The following ATF5 variants were observed in gnomAD, a reference collection of about 807,000 sequenced individuals.
ATF5 encodes activating transcription factor 5, also known as cyclic AMP-dependent transcription factor ATF-5.
ATF5 carries 6 observed loss-of-function variants against 4.6 expected under a neutral mutation model. The ratio of observed to expected loss-of-function variants is 1.31; its 90% CI spans 0.72 to 2.59. The LOEUF (loss-of-function observed/expected upper bound fraction) is 2.59, where lower values mean the gene tolerates loss of function less well. Ranked by LOEUF, ATF5 falls within the 30% of genes most tolerant of loss-of-function variation. ATF5 has a pLI of 0.00. For missense variants in ATF5, 410 were observed against 368.7 expected (o/e 1.11, Z -0.92); for synonymous variants, 193 against 165.0 (o/e 1.17, Z -1.30).
upstream of ATF5, chr19:49,929,136 C>T (rs567987474): frequency 6.6e-6 from 1 of 152,436 alleles, no homozygotes; most frequent in South Asian, 2.1e-4. Context: ...GGGCGGGGCG[C>T]GGAAGGATCC....
Position 49,930,966 on chromosome 19 carries a change from C to T in ATF5, c.116C>T (p.Pro39Leu). Residue 39 changes from proline to leucine, a missense_variant, in exon 2 of 3, where the codon CCC becomes CTC. Physicochemically the swap from Pro to Leu is moderately conservative, Grantham distance 98 (BLOSUM62 -3). Transcript: ENST00000423777. ...CCCCCGGCCCCTGCCCCCCTGGCTC[C>T]CTATGAGGTCCTTGGGGGAGCCCTG... The part of the protein sequence containing the change: ...KLPPAPAPLA[P>L]YEVLGGALEG... The T allele has an allele frequency of 6.3e-7, 1 of 1,589,176 alleles. No homozygotes were observed. Among genetic ancestry groups the T allele is most frequent in the Non-Finnish European group, 8.6e-7 (1 of 1,168,684 alleles).
chr19:49,933,340 A>T lies in ATF5; in HGVS notation c.*248A>T, dbSNP rs2076086921. ...CCCTTCTTCCCCACCAAACCACCCA[A>T]CTCCTCTCTACTCTTATCCTTTTAT... On this transcript the variant is annotated 3_prime_UTR_variant, in exon 3 of 3. Transcript: ENST00000423777. 2 of 404,348 alleles carry T rather than the reference A, an allele frequency of 4.9e-6. No individual in the cohort carries two copies. The highest frequency in any genetic ancestry group is 8.8e-6 in the Non-Finnish European group (2 of 228,428). 25.0% of individuals were successfully genotyped at this position (404,348 alleles called of 1,614,324 possible).
chr19:49,933,043 T>C lies in ATF5; in HGVS notation c.800T>C (p.Leu267Pro). Residue 267 changes from leucine to proline, a missense_variant, in exon 3 of 3, where the codon CTG (leucine) becomes CCG (proline). Coordinates refer to ENST00000423777, the MANE Select transcript of ATF5 (RefSeq NM_001193646.2). ...CGCGAGATCCAGTACGTCAAGGACC[T>C]GCTCATCGAGGTTTACAAGGCCCGG... ...VEREIQYVKD[L>P]LIEVYKARSQ... 6.2e-7 allele frequency: 1 copy of C among 1,607,992 alleles called. No individual in the cohort carries two copies. Among genetic ancestry groups the C allele is most frequent in the Non-Finnish European group, 8.5e-7 (1 of 1,175,128 alleles).
chr19:49,930,534 G>A (rs370635029), intron 1 of ATF5, 198 bp from the exon 2 acceptor site: 1 of 292,330 alleles, frequency 3.4e-6, no homozygotes, highest in Admixed American at 5.2e-5. Flanking sequence ...CTTGGGAGTG[G>A]GTGGGGCTCA....
chr19:49,931,835 G>C (rs2076066537), intron 2 of ATF5, among the ~76,000 whole-genome samples: 1 of 151,066 alleles, frequency 6.6e-6, no homozygotes, highest in Non-Finnish European at 1.5e-5. Flanking sequence ...AGGCATATGT[G>C]CGTGTGTATC....
rs2076070666 is a variant in ATF5, at chr19:49,932,319, A to G, written c.179-103A>G. ...ATTCAGTGGTTAGTTGTTTTACTGA[A>G]TGAATGGGACAGATGCACCTGAATG... On this transcript the variant is annotated intron_variant, in intron 2 of 2. Coordinates refer to ENST00000423777, the MANE Select transcript of ATF5 (RefSeq NM_001193646.2). 20 of 1,105,784 alleles carry G rather than the reference A, an allele frequency of 1.8e-5. No homozygotes were observed. In the South Asian group the frequency reaches 2.4e-4, roughly 13 times the overall value. 68.5% of individuals were successfully genotyped at this position (1,105,784 alleles called of 1,614,324 possible).
intron 1 of ATF5, chr19:49,929,891 T>TACCCTCCTCC (rs960756902): frequency 2.6e-5 from 4 of 152,274 alleles, no homozygotes; most frequent in African/African-American, 4.8e-5. Flanking sequence ...GTGCCCCCTC[T>TACCCTCCTCC]ACCCTCCTCC....
chr19:49,932,587 TC>T lies in ATF5; in HGVS notation c.345del (p.Phe116SerfsTer2), dbSNP rs760016163. 6.3e-7 allele frequency: 1 copy of T among 1,584,498 alleles called. No individual in the cohort carries two copies. Among genetic ancestry groups the T allele is most frequent in the South Asian group, 1.1e-5 (1 of 88,430 alleles). On this transcript the variant is annotated frameshift_variant, in exon 3 of 3. Coordinates refer to ENST00000423777, the MANE Select transcript of ATF5 (RefSeq NM_001193646.2). LOFTEE classifies it low-confidence loss of function (END_TRUNC). ...LKKELEQMED[F>X]FLDAPPLPPP... is the part of the protein sequence containing the mutation. The stretch of plus-strand genomic sequence containing the variant: ...AAGGAGCTGGAACAGATGGAAGACT[TC>T]TTCCTAGATGCCCCGCCCCTCCCAC...
intron 1 of ATF5, chr19:49,930,156 C>T (rs1466218347): frequency 1.4e-5 from 2 of 146,986 alleles, no homozygotes; most frequent in East Asian, 2.0e-4. Context: ...GGCGGGGCCT[C>T]TGGGGAATCG....
chr19:49,931,948 G>A (rs886778286), intron 2 of ATF5, among the ~76,000 whole-genome samples: 3 of 151,854 alleles, frequency 2.0e-5, no homozygotes, highest in African/African-American at 7.3e-5. Context: ...TTGAAGAAAT[G>A]CTTGGTTGAC....
rs2076048239 is a variant in ATF5, at chr19:49,930,814, C to A, written c.-37C>A. ...CGTGCCAGCTGCTGGTGCAGCCTCTCCTGTTGCCATCAGTGCCCAGCACCT... is the reference window on the plus strand; with the variant it reads ...CGTGCCAGCTGCTGGTGCAGCCTCTACTGTTGCCATCAGTGCCCAGCACCT... On this transcript the variant is annotated 5_prime_UTR_variant, in exon 2 of 3. Transcript: ENST00000423777. The A allele has an allele frequency of 1.3e-6, 2 of 1,515,294 alleles. No individual in the cohort carries two copies. The highest frequency in any genetic ancestry group is 1.8e-6 in the Non-Finnish European group (2 of 1,126,644). The allele number at this position is 1,515,294 out of a possible 1,614,324, so 93.9% of individuals were successfully genotyped here.
At position 49,932,844 on chromosome 19, in the gene ATF5, C is replaced by G. The variant is rs750121683; in HGVS notation, c.601C>G (p.Pro201Ala). 1 of 1,611,980 alleles carries G rather than the reference C, an allele frequency of 6.2e-7. No homozygotes were observed. ...TCAACCTTCTCGCCTGGCCCCCTAC[C>G]CACATCCTGCCACCACCCGAGGGGA... ...PPQPSRLAPY[P>A]HPATTRGDRK... The change falls in exon 3 of 3, where the codon CCA becomes GCA. Residue 201 changes from proline to alanine, a missense_variant. By Grantham distance (27) the Pro-to-Ala change is conservative. Coordinates refer to ENST00000423777, the MANE Select transcript of ATF5 (RefSeq NM_001193646.2).
At chr19:49,930,695 T>C (rs2076045774) in intron 1 of ATF5, 37 bp from the exon 2 acceptor site, 6 of 539,274 alleles carry the variant, frequency 1.1e-5, no homozygotes, top group Non-Finnish European at 1.8e-5. Flanking sequence ...TGGATGACGC[T>C]GTCCTGACCA....
At chr19:49,930,143 A>AGAGGCGGGGCCTCTGGG (rs2076034497) in intron 1 of ATF5, 1 of 150,180 alleles carries the variant, frequency 6.7e-6, no homozygotes, top group Non-Finnish European at 1.5e-5. Context: ...GATGTGACAA[A>AGAGGCGGGGCCTCTGGG]GAGGCGGGGC....
Position 49,932,608 on chromosome 19 carries a change from T to TGCC in ATF5, c.365_366insGCC (p.Pro125dup). Reference sequence around the variant, plus strand: ...GACTTCTTCCTAGATGCCCCGCCCCTCCCACCACCCTCCCCGCCGCCACTA... The same window carrying TGCC: ...GACTTCTTCCTAGATGCCCCGCCCCTGCCCCCACCACCCTCCCCGCCGCCACTA... On this transcript the variant is annotated inframe_insertion, in exon 3 of 3. Transcript: ENST00000423777. 2.4e-5 allele frequency: 31 copies of TGCC among 1,275,534 alleles called. No individual in the cohort carries two copies. The highest frequency in any genetic ancestry group is 3.0e-4 in the Middle Eastern group (1 of 3,388). The allele number at this position is 1,275,534 out of a possible 1,614,324, so 79.0% of individuals were successfully genotyped here.
intron 2 of ATF5, among the ~76,000 whole-genome samples, chr19:49,931,733 C>T (rs886830787): frequency 6.6e-6 from 1 of 152,044 alleles, no homozygotes; most frequent in African/African-American, 2.4e-5. Flanking sequence ...ATGCAGAAGC[C>T]CTCAGGAGGC....
At chr19:49,929,547 C>G (rs542237347) in intron 1 of ATF5, 147 bp downstream of exon 1, 291 of 152,490 alleles carry the variant, frequency 1.9e-3, no homozygotes, top group Non-Finnish European at 3.0e-3. Context: ...GCCGAAGGCG[C>G]GCGGCTGCGC....
At chr19:49,931,988 G>T (rs2076067804) in intron 2 of ATF5, among the ~76,000 whole-genome samples, 3 of 151,814 alleles carry the variant, frequency 2.0e-5, no homozygotes, top group Admixed American at 2.0e-4. Flanking sequence ...TGGTTGGCTG[G>T]TTCTTTTTTT....
In ATF5 at chr19:49,930,817, G is replaced by A; in HGVS notation, c.-34G>A. 3 of 1,519,956 alleles carry A rather than the reference G, an allele frequency of 2.0e-6. No homozygotes were observed. Among genetic ancestry groups the A allele is most frequent in the Non-Finnish European group, 2.7e-6 (3 of 1,128,914 alleles). 94.2% of individuals were successfully genotyped at this position (1,519,956 alleles called of 1,614,324 possible). A position where few individuals can be genotyped will look rare whatever the true frequency, so the allele number is the denominator to read the frequency against. ...GCCAGCTGCTGGTGCAGCCTCTCCT[G>A]TTGCCATCAGTGCCCAGCACCTGTG... On this transcript the variant is annotated 5_prime_UTR_variant, in exon 2 of 3. Transcript: ENST00000423777.
Sources: gnomAD v4.1 joint callset for allele counts (sites outside exome capture counted in the v4.1 genomes callset) on GRCh38, gnomAD v4.1.1 for gene constraint, MANE v1.5 for transcripts, NCBI Gene and HGNC (gene_info 2026-07-23, HGNC 2026-07-21) for gene names.